Variants in PATJ observed in about 807,000 individuals in gnomAD.
PATJ encodes inaD-like protein.
Under a neutral mutation model 224.9 loss-of-function variants are expected in PATJ, and 190 were observed. That is an observed-to-expected ratio of 0.84 (90% CI 0.75 to 0.95). The LOEUF is 0.95. Ranked by LOEUF, PATJ falls within the 40% of genes least tolerant of loss-of-function variation. PATJ has a pLI of 0.00. For synonymous variants in PATJ, 769 were observed against 820.3 expected (o/e 0.94, Z 1.07); for missense variants, 2,121 against 2,270.3 (o/e 0.93, Z 1.34).
rs1204399221 is a variant in PATJ at position 62,077,436 on chromosome 1, C to T, written c.4126-2014C>T. On this transcript the variant is annotated intron_variant, in intron 31 of 43. Transcript: ENST00000642238. ...GGGCACAGTGGCTCATGCCTGTAAT[C>T]CCAGCACTCTGAGATGCTGAGGTGG... Among the ~76,000 whole-genome samples, 3 of 151,956 alleles carry T rather than the reference C, an allele frequency of 2.0e-5. No individual in the cohort carries two copies. In the East Asian group the frequency reaches 5.8e-4, roughly 29 times the overall value.
intron 32 of PATJ, among the ~76,000 whole-genome samples, chr1:62,080,420 C>A (rs1659087988): frequency 6.6e-6 from 1 of 152,052 alleles, no homozygotes; most frequent in Non-Finnish European, 1.5e-5. Flanking sequence ...CAACCTCTGC[C>A]TCCTGGGTTC....
At position 61,954,000 on chromosome 1, in the gene PATJ, G is replaced by A. The variant is rs1049569793; in HGVS notation, c.3670+26171G>A. Among the ~76,000 whole-genome samples the A allele has an allele frequency of 2.0e-5, 3 of 152,138 alleles. No individual in the cohort carries two copies. The South Asian group carries it at 6.2e-4, about 31-fold the overall frequency. ...GTCATTAGGAATTTATGTGTCCTTT[G>A]CGCTTTGTTGAACTAATATATAAAC... On this transcript the variant is annotated intron_variant, in intron 27 of 43. Transcript: ENST00000642238.
chr1:61,743,409 GGTT>G (rs1230676268), intron 1 of PATJ, among the ~76,000 whole-genome samples: 3 of 152,214 alleles, frequency 2.0e-5, no homozygotes, highest in African/African-American at 7.2e-5. Flanking sequence ...AATTCCAGTT[GGTT>G]GTTTACTGGC....
At chr1:61,843,960 C>T (rs1023081332) in intron 17 of PATJ, among the ~76,000 whole-genome samples, 3 of 152,108 alleles carry the variant, frequency 2.0e-5, no homozygotes, top group Admixed American at 6.5e-5. Context: ...CTGAGCATCT[C>T]CTCTTCCAGG....
chr1:61,815,873 G>A (rs1252404170), intron 14 of PATJ, among the ~76,000 whole-genome samples: 1 of 152,144 alleles, frequency 6.6e-6, no homozygotes, highest in Non-Finnish European at 1.5e-5. Context: ...CGCATCTAGG[G>A]AGACTTGCAC....
At chr1:61,838,436 G>A (rs1281016783) in intron 17 of PATJ, among the ~76,000 whole-genome samples, 1 of 151,140 alleles carries the variant, frequency 6.6e-6, no homozygotes, top group Non-Finnish European at 1.5e-5. Context: ...CTCACTGCAA[G>A]CTCCACCTCC....
chr1:61,997,645 T>C (rs1324295766), intron 28 of PATJ, among the ~76,000 whole-genome samples: 1 of 152,074 alleles, frequency 6.6e-6, no homozygotes, highest in Admixed American at 6.6e-5. Flanking sequence ...AATAAGTGAA[T>C]TCATTACCGT....
At chr1:62,144,942 A>G (rs1473904468) in intron 41 of PATJ, among the ~76,000 whole-genome samples, 1 of 151,892 alleles carries the variant, frequency 6.6e-6, no homozygotes, top group African/African-American at 2.4e-5. Context: ...CCTCCCAAGT[A>G]GCTGGGACTC....
Position 62,128,704 on chromosome 1 carries a change from C to T in PATJ, c.5167-137C>T, listed in dbSNP as rs907191697. 5.0e-6 allele frequency: 3 copies of T among 597,340 alleles called. No homozygotes were observed. In the African/African-American group the frequency reaches 5.5e-5, roughly 11 times the overall value. 37.0% of individuals were successfully genotyped at this position (597,340 alleles called of 1,614,324 possible). A position where few individuals can be genotyped will look rare whatever the true frequency, so the allele number is the denominator to read the frequency against. The stretch of plus-strand genomic sequence containing the variant: ...AAAAAAATTCCTCATGCTTCTTGAA[C>T]ATGCATGCACGGTAGTAACGCAGAA... On this transcript the variant is annotated intron_variant, in intron 40 of 43. Transcript: ENST00000642238.
intron 43 of PATJ, among the ~76,000 whole-genome samples, chr1:62,160,272 CTGAGTA>C (rs1189879381): frequency 6.6e-6 from 1 of 151,978 alleles, no homozygotes; most frequent in Non-Finnish European, 1.5e-5. Context: ...CTATGCATGA[CTGAGTA>C]TATAATAAAA....
intron 22 of PATJ, among the ~76,000 whole-genome samples, chr1:61,897,852 T>C (rs1670597174): frequency 2.5e-5 from 1 of 39,326 alleles, no homozygotes; most frequent in African/African-American, 8.1e-5. Flanking sequence ...TCTGCCAAGT[T>C]GTTTTCCCCT....
intron 26 of PATJ, among the ~76,000 whole-genome samples, chr1:61,923,922 CA>C (rs535481890): frequency 0.034 from 2,652 of 77,758 alleles, 87 homozygotes; most frequent in East Asian, 0.28. Context: ...AACTCCATCT[CA>C]AAAAAAAAAA....
At chr1:61,999,815 A>G (rs1645637224) in intron 28 of PATJ, among the ~76,000 whole-genome samples, 1 of 152,174 alleles carries the variant, frequency 6.6e-6, no homozygotes, top group African/African-American at 2.4e-5. Flanking sequence ...TCACACATAT[A>G]CATATACAGT....
intron 33 of PATJ, among the ~76,000 whole-genome samples, chr1:62,085,654 G>GA (rs1659868553): frequency 6.6e-6 from 1 of 151,546 alleles, no homozygotes; most frequent in African/African-American, 2.4e-5. Flanking sequence ...TCTCTACAAA[G>GA]AAAATTTTTT....
rs919806084 is a variant in PATJ, at chr1:62,163,547, G to A, written c.*2493G>A. The A allele has an allele frequency of 3.9e-5, 6 of 152,508 alleles. No homozygotes were observed. Among genetic ancestry groups the A allele is most frequent in the Non-Finnish European group, 8.8e-5 (6 of 68,016 alleles). The allele number at this position is 152,508 out of a possible 1,614,324, so 9.4% of individuals were successfully genotyped here. A position where few individuals can be genotyped will look rare whatever the true frequency, so the allele number is the denominator to read the frequency against. The stretch of plus-strand genomic sequence containing the variant: ...TCTTTATACATTATCCTTTTAGGTC[G>A]TGCTAGTAAAAGTATATTGATGAAG... On this transcript the variant is annotated 3_prime_UTR_variant, in exon 44 of 44. Coordinates refer to ENST00000642238, the MANE Select transcript of PATJ (RefSeq NM_001350145.3).
intron 10 of PATJ, among the ~76,000 whole-genome samples, chr1:61,796,675 T>TTTCTTTCTTTCTTTC (rs1557660385): frequency 0.032 from 877 of 27,310 alleles, 37 homozygotes; most frequent in African/African-American, 0.063. Context: ...TCTTTCTTTC[T>TTTCTTTCTTTCTTTC]TTCTTTCTTT....
At chr1:61,789,403 A>T (rs1649296599) in intron 8 of PATJ, among the ~76,000 whole-genome samples, 1 of 152,196 alleles carries the variant, frequency 6.6e-6, no homozygotes, top group African/African-American at 2.4e-5. Context: ...AAAGGGTGGA[A>T]GGCCACTGAT....
At chr1:62,032,531 GC>G (rs1480344361) in intron 29 of PATJ, among the ~76,000 whole-genome samples, 1 of 152,124 alleles carries the variant, frequency 6.6e-6, no homozygotes, top group Middle Eastern at 3.2e-3. Flanking sequence ...TAAACTGGGG[GC>G]AGGAATTTTG....
At chr1:61,758,269 T>C (rs1001389950) in intron 1 of PATJ, among the ~76,000 whole-genome samples, 1 of 152,232 alleles carries the variant, frequency 6.6e-6, no homozygotes, top group African/African-American at 2.4e-5. Context: ...GGACATATTA[T>C]CAACATACTG....
Sources: gnomAD v4.1 joint callset for allele counts (sites outside exome capture counted in the v4.1 genomes callset) on GRCh38, gnomAD v4.1.1 for gene constraint, MANE v1.5 for transcripts, NCBI Gene and HGNC (gene_info 2026-07-23, HGNC 2026-07-21) for gene names.